PTPRK: variants seen among roughly 807,000 people sequenced by gnomAD.
The protein encoded by PTPRK is protein tyrosine phosphatase receptor type K.
Under a neutral mutation model 178.0 loss-of-function variants are expected in PTPRK, and 75 were observed. The observed-to-expected ratio is 0.42, with a 90% CI of 0.35 to 0.51. The LOEUF is 0.51. PTPRK is among the 20% of genes least tolerant of loss of function. PTPRK has a pLI of 0.02. For synonymous variants in PTPRK, 637 were observed against 620.6 expected, an observed-to-expected ratio of 1.03 and a Z score of -0.39; for missense variants, 1,441 against 1,797.8, an observed-to-expected ratio of 0.80 and a Z score of 3.59.
intron 2 of PTPRK, among the ~76,000 whole-genome samples, chr6:128,337,591 T>C (rs1831114753): frequency 6.6e-6 from 1 of 152,206 alleles, no homozygotes; most frequent in Non-Finnish European, 1.5e-5. Flanking sequence ...GTAAATATTG[T>C]TAAAATTGCA....
chr6:128,222,615 T>A (rs979350953), intron 5 of PTPRK, among the ~76,000 whole-genome samples: 26 of 152,212 alleles, frequency 1.7e-4, no homozygotes, highest in African/African-American at 6.3e-4. Flanking sequence ...CCCGTGCAAT[T>A]CAGTCTCTCA....
At chr6:128,206,995 TGCTTCCTTCACA>T (rs1288527012) in intron 6 of PTPRK, among the ~76,000 whole-genome samples, 3 of 152,180 alleles carry the variant, frequency 2.0e-5, no homozygotes, top group East Asian at 3.9e-4. Flanking sequence ...ATATGCTACT[TGCTTCCTTCACA>T]GCTGCCAAAA....
intron 13 of PTPRK, among the ~76,000 whole-genome samples, chr6:128,011,836 G>T (rs1779097199): frequency 6.6e-6 from 1 of 151,076 alleles, no homozygotes; most frequent in Non-Finnish European, 1.5e-5. Flanking sequence ...AACGCTTGCA[G>T]GTATACCAAG....
intron 7 of PTPRK, among the ~76,000 whole-genome samples, chr6:128,168,174 C>A (rs1799687082): frequency 6.6e-6 from 1 of 152,068 alleles, no homozygotes; most frequent in Non-Finnish European, 1.5e-5. Context: ...AATCTTGTGA[C>A]ATCTCCCAAA....
In PTPRK at chr6:128,156,087, A is replaced by AT. The variant is rs1371575375; in HGVS notation, c.1162+28344dup. Among the ~76,000 whole-genome samples, 17 of 151,762 alleles carry AT rather than the reference A, an allele frequency of 1.1e-4. 1 individual carries two copies. The South Asian group carries it at 3.5e-3, about 32-fold the overall frequency. On this transcript the variant is annotated intron_variant, in intron 7 of 29. Coordinates refer to ENST00000368226, the MANE Select transcript of PTPRK (RefSeq NM_002844.4). Reference sequence around the variant, plus strand: ...ACTTAAATTTTATAGTTTTGACTACATTTTTTTCTCATGATTTACCATGAG... The same window carrying AT: ...ACTTAAATTTTATAGTTTTGACTACATTTTTTTTCTCATGATTTACCATGAG...
chr6:128,004,195 A>C (rs980485048), intron 15 of PTPRK, among the ~76,000 whole-genome samples: 2 of 151,860 alleles, frequency 1.3e-5, no homozygotes, highest in Admixed American at 6.6e-5. Context: ...AAATGCCATA[A>C]GGCCCAAGTT....
At chr6:128,437,359 T>C (rs768748972) in intron 1 of PTPRK, among the ~76,000 whole-genome samples, 2 of 152,140 alleles carry the variant, frequency 1.3e-5, no homozygotes, top group African/African-American at 2.4e-5. Flanking sequence ...AGCATTGTAT[T>C]TGAAATGGCG....
intron 7 of PTPRK, among the ~76,000 whole-genome samples, chr6:128,092,663 T>C (rs1787192598): frequency 6.6e-6 from 1 of 152,314 alleles, no homozygotes; most frequent in South Asian, 2.1e-4. Context: ...GATAACTATA[T>C]GCACATGCAT....
At chr6:128,129,202 C>T (rs1019726566) in intron 7 of PTPRK, among the ~76,000 whole-genome samples, 2 of 152,144 alleles carry the variant, frequency 1.3e-5, no homozygotes, top group African/African-American at 4.8e-5. Flanking sequence ...CTGATTATTA[C>T]ACACTTAAGC....
intron 7 of PTPRK, among the ~76,000 whole-genome samples, chr6:128,182,428 G>T (rs1356820485): frequency 6.6e-6 from 1 of 152,016 alleles, no homozygotes; most frequent in Non-Finnish European, 1.5e-5. Flanking sequence ...ACAAAAATTA[G>T]CTGGGCATGG....
chr6:128,054,151 T>C (rs534705103), intron 13 of PTPRK, among the ~76,000 whole-genome samples: 1 of 152,226 alleles, frequency 6.6e-6, no homozygotes, highest in African/African-American at 2.4e-5. Context: ...TGCATTGATA[T>C]GAATGAGACA....
chr6:128,177,305 T>C (rs1354980562), intron 7 of PTPRK, among the ~76,000 whole-genome samples: 1 of 151,778 alleles, frequency 6.6e-6, no homozygotes, highest in Non-Finnish European at 1.5e-5. Flanking sequence ...AAGCCATTTC[T>C]ACTTCCTGAT....
At chr6:128,440,318 G>C (rs935550457) in intron 1 of PTPRK, among the ~76,000 whole-genome samples, 2 of 152,246 alleles carry the variant, frequency 1.3e-5, no homozygotes, top group East Asian at 1.9e-4. Flanking sequence ...TTATGGATGA[G>C]AGCTTGCCTC....
At chr6:128,471,168 A>G (rs943350442) in intron 1 of PTPRK, among the ~76,000 whole-genome samples, 6 of 152,130 alleles carry the variant, frequency 3.9e-5, no homozygotes, top group Non-Finnish European at 5.9e-5. Context: ...CATGGCCAAT[A>G]GTTGAAAACG....
chr6:128,383,438 A>G (rs1197821958), intron 2 of PTPRK, among the ~76,000 whole-genome samples: 4 of 152,100 alleles, frequency 2.6e-5, no homozygotes, highest in Admixed American at 2.6e-4. Flanking sequence ...ATCTACGTTA[A>G]AAAGCTTCAA....
chr6:128,150,536 T>G (rs556680607), intron 7 of PTPRK, among the ~76,000 whole-genome samples: 1 of 152,276 alleles, frequency 6.6e-6, no homozygotes, highest in Non-Finnish European at 1.5e-5. Flanking sequence ...CCTGCTCATC[T>G]TTTTAGAGGC....
intron 28 of PTPRK, among the ~76,000 whole-genome samples, chr6:127,973,452 G>C (rs1774172580): frequency 6.6e-6 from 1 of 152,124 alleles, no homozygotes; most frequent in East Asian, 1.9e-4. Context: ...GTGTTCCAAA[G>C]AGTTTAAATA....
chr6:128,472,647 TGA>T (rs966158411), intron 1 of PTPRK: 3 of 320,150 alleles, frequency 9.4e-6, no homozygotes, highest in African/African-American at 4.5e-5. Context: ...TAAAACAACT[TGA>T]GAGTGGTTGC....
chr6:128,403,337 T>C (rs576164210), intron 1 of PTPRK, among the ~76,000 whole-genome samples: 1 of 152,218 alleles, frequency 6.6e-6, no homozygotes, highest in Non-Finnish European at 1.5e-5. Flanking sequence ...AAATCCCTTA[T>C]ACATCTATGA....
Sources: gnomAD v4.1 joint callset for allele counts (sites outside exome capture counted in the v4.1 genomes callset) on GRCh38, gnomAD v4.1.1 for gene constraint, MANE v1.5 for transcripts, NCBI Gene and HGNC (gene_info 2026-07-23, HGNC 2026-07-21) for gene names.